The following WDR72 variants were observed in gnomAD, a reference collection of about 807,000 sequenced individuals.
WDR72 encodes the protein WD repeat domain 72.
A neutral mutation model predicts 124.2 loss-of-function variants in WDR72; 120 were observed. The observed-to-expected ratio is 0.97, with a 90% CI of 0.83 to 1.12. The LOEUF (loss-of-function observed/expected upper bound fraction) is 1.12, where lower values mean the gene tolerates loss of function less well. Ranked by LOEUF, WDR72 falls within the 50% of genes most tolerant of loss-of-function variation. WDR72 has a pLI of 0.00. For synonymous variants in WDR72, 452 were observed against 441.7 expected (o/e 1.02, Z -0.29); for missense variants, 1,387 against 1,278.8 (o/e 1.08, Z -1.29).
intron 17 of WDR72, among the ~76,000 whole-genome samples, chr15:53,608,547 G>A (rs1197649710): frequency 6.6e-6 from 1 of 151,604 alleles, no homozygotes; most frequent in Non-Finnish European, 1.5e-5. Flanking sequence ...TTGAGCCCAG[G>A]AATTTGAGAC....
rs1032094488 is a variant in WDR72, at chr15:53,516,197, G to A, written c.*1502C>T. Reference sequence around the variant, plus strand: ...TTAGTTTCTAAACTTCAACTCAAATGTAATTTCAAGCAGTAAAATCATATT... The same window carrying A: ...TTAGTTTCTAAACTTCAACTCAAATATAATTTCAAGCAGTAAAATCATATT... On this transcript the variant is annotated 3_prime_UTR_variant, in exon 20 of 20. Coordinates refer to ENST00000360509, the MANE Select transcript of WDR72 (RefSeq NM_182758.4). The A allele has an allele frequency of 6.6e-6, 1 of 152,072 alleles. No homozygotes were observed. The highest frequency in any genetic ancestry group is 2.4e-5 in the African/African-American group (1 of 41,418). 9.4% of individuals were successfully genotyped at this position (152,072 alleles called of 1,614,324 possible). A position where few individuals can be genotyped will look rare whatever the true frequency, so the allele number is the denominator to read the frequency against.
intron 13 of WDR72, among the ~76,000 whole-genome samples, chr15:53,680,018 T>C (rs962830348): frequency 6.6e-6 from 1 of 152,144 alleles, no homozygotes; most frequent in South Asian, 2.1e-4. Context: ...ATTTTGGTTA[T>C]GTTGCTTTAC....
intron 13 of WDR72, among the ~76,000 whole-genome samples, chr15:53,667,834 G>A (rs1335912621): frequency 2.6e-5 from 4 of 152,052 alleles, no homozygotes; most frequent in Admixed American, 2.0e-4. Context: ...ATATATGCAC[G>A]TTTTATTGTA....
intron 18 of WDR72, among the ~76,000 whole-genome samples, chr15:53,548,315 T>C (rs982033707): frequency 6.6e-6 from 1 of 152,204 alleles, no homozygotes; most frequent in Admixed American, 6.5e-5. Flanking sequence ...AAATAGCCAG[T>C]GCCACCATGC....
At chr15:53,744,733 G>A (rs1325716340) in intron 1 of WDR72, among the ~76,000 whole-genome samples, 1 of 152,194 alleles carries the variant, frequency 6.6e-6, no homozygotes, top group African/African-American at 2.4e-5. Context: ...CTTATATGAT[G>A]TGTTTGACCT....
At chr15:53,529,141 A>G (rs1468988758) in intron 18 of WDR72, among the ~76,000 whole-genome samples, 1 of 110,746 alleles carries the variant, frequency 9.0e-6, no homozygotes, top group Admixed American at 9.3e-5. Flanking sequence ...CACACTGTTT[A>G]GCCCATATAT....
chr15:53,718,576 A>G (rs944593437), intron 3 of WDR72, among the ~76,000 whole-genome samples: 15 of 152,264 alleles, frequency 9.9e-5, no homozygotes, highest in African/African-American at 3.6e-4. Context: ...TTTGTGGTGT[A>G]TGAAATGGAA....
chr15:53,745,175 G>A (rs2018614202), intron 1 of WDR72, among the ~76,000 whole-genome samples: 1 of 151,966 alleles, frequency 6.6e-6, no homozygotes, highest in African/African-American at 2.4e-5. Flanking sequence ...AAATTACCTT[G>A]GAGAACTGAT....
At chr15:53,518,372 C>T (rs995832755) in intron 19 of WDR72, among the ~76,000 whole-genome samples, 1 of 151,992 alleles carries the variant, frequency 6.6e-6, no homozygotes, top group Admixed American at 6.6e-5. Context: ...AACTTTCACT[C>T]CTACTGGCAA....
intron 19 of WDR72, 151 bp downstream of exon 19, chr15:53,523,067 C>A (rs1295880527): frequency 6.6e-6 from 5 of 761,048 alleles, no homozygotes; most frequent in Non-Finnish European, 1.2e-5. Context: ...CAGCTCCACA[C>A]TGTGACCCCT....
chr15:53,517,592 C>T lies in WDR72; in HGVS notation c.*107G>A, dbSNP rs1891532237. ...AAAGTATTAGCAAATCCACTACAGC[C>T]TAATAACTTGACCAATAACAACAAT... On this transcript the variant is annotated 3_prime_UTR_variant, in exon 20 of 20. Transcript: ENST00000360509. 7 of 1,192,472 alleles carry T rather than the reference C, an allele frequency of 5.9e-6. No homozygotes were observed. The Admixed American group carries it at 1.2e-4, about 20-fold the overall frequency. The allele number at this position is 1,192,472 out of a possible 1,614,324, so 73.9% of individuals were successfully genotyped here. A position where few individuals can be genotyped will look rare whatever the true frequency, so the allele number is the denominator to read the frequency against.
intron 14 of WDR72, among the ~76,000 whole-genome samples, chr15:53,620,249 T>C (rs1049960702): frequency 1.3e-5 from 2 of 152,180 alleles, no homozygotes; most frequent in African/African-American, 2.4e-5. Context: ...GAATATATTA[T>C]GGCATATATA....
At chr15:53,624,088 G>C (rs1260773718) in intron 14 of WDR72, among the ~76,000 whole-genome samples, 1 of 152,068 alleles carries the variant, frequency 6.6e-6, no homozygotes, top group African/African-American at 2.4e-5. Flanking sequence ...CATTTGTTGG[G>C]TGCATTGCAA....
chr15:53,678,811 C>A (rs769359900), intron 13 of WDR72, among the ~76,000 whole-genome samples: 1 of 152,080 alleles, frequency 6.6e-6, no homozygotes, highest in Non-Finnish European at 1.5e-5. Flanking sequence ...TGGGTATATA[C>A]CAAAATTGAC....
chr15:53,584,629 C>T (rs893218193), intron 18 of WDR72, among the ~76,000 whole-genome samples: 7 of 152,022 alleles, frequency 4.6e-5, no homozygotes, highest in African/African-American at 1.7e-4. Flanking sequence ...CTGCTTTGCA[C>T]TGAAAGTGTC....
chr15:53,603,638 T>C (rs2013142648), intron 17 of WDR72, among the ~76,000 whole-genome samples: 2 of 152,154 alleles, frequency 1.3e-5, no homozygotes, highest in South Asian at 4.1e-4. Flanking sequence ...TTCAGCGAAG[T>C]CTCAGGATAC....
intron 14 of WDR72, among the ~76,000 whole-genome samples, chr15:53,638,010 G>A (rs2014688733): frequency 6.6e-6 from 1 of 152,100 alleles, no homozygotes; most frequent in Admixed American, 6.5e-5. Flanking sequence ...AAAATTCATT[G>A]AATGAAAAAT....
At chr15:53,604,400 C>A (rs2013182819) in intron 17 of WDR72, among the ~76,000 whole-genome samples, 2 of 152,116 alleles carry the variant, frequency 1.3e-5, no homozygotes, top group African/African-American at 4.8e-5. Context: ...CTAAGCAATA[C>A]CATTCGGGAT....
At chr15:53,699,041 A>T (rs2017088659) in intron 13 of WDR72, among the ~76,000 whole-genome samples, 1 of 152,194 alleles carries the variant, frequency 6.6e-6, no homozygotes, top group African/African-American at 2.4e-5. Context: ...TAAACTATCC[A>T]GTCTGTTAAT....
Sources: allele counts gnomAD v4.1 joint callset (sites outside exome capture counted in the v4.1 genomes callset), GRCh38; gene constraint gnomAD v4.1.1; transcripts MANE v1.5; gene names NCBI Gene and HGNC (gene_info 2026-07-23, HGNC 2026-07-21).